Variants in ELP4 observed in about 807,000 individuals in gnomAD.
ELP4 encodes elongator complex protein 4.
Under a neutral mutation model 48.9 loss-of-function variants are expected in ELP4, and 51 were observed. That is an observed-to-expected ratio of 1.04 (90% CI 0.83 to 1.32). ELP4 has a LOEUF of 1.32. Among genes scored for constraint, ELP4 ranks in the 40% most tolerant of loss-of-function variants. The probability of loss-of-function intolerance (pLI) is 0.00; values close to 1 mark genes in which losing one functional copy is unlikely to be tolerated. For missense variants in ELP4, 519 were observed against 514.6 expected (o/e 1.01, Z -0.08); for synonymous variants, 210 against 189.2 (o/e 1.11, Z -0.90).
chr11:31,657,374 C>A (rs1244981417), intron 9 of ELP4, among the ~76,000 whole-genome samples: 1 of 151,988 alleles, frequency 6.6e-6, no homozygotes, highest in African/African-American at 2.4e-5. Context: ...TGTTCGAATT[C>A]TCAGTGTAAT....
chr11:31,692,264 A>T (rs1241356715), intron 9 of ELP4, among the ~76,000 whole-genome samples: 2 of 152,128 alleles, frequency 1.3e-5, no homozygotes, highest in Non-Finnish European at 2.9e-5. Context: ...GTTGGGGAGG[A>T]AAGTACAGAC....
intron 2 of ELP4, among the ~76,000 whole-genome samples, chr11:31,531,331 T>G (rs1028895141): frequency 7.9e-5 from 12 of 152,252 alleles, no homozygotes; most frequent in African/African-American, 2.9e-4. Context: ...ATGTATACTA[T>G]GTGCCGGGCA....
intron 9 of ELP4, among the ~76,000 whole-genome samples, chr11:31,742,177 G>T (rs575621213): frequency 5.9e-5 from 9 of 152,268 alleles, no homozygotes; most frequent in African/African-American, 1.9e-4. Flanking sequence ...GAAATGAAGC[G>T]AGAAGAAAAG....
At chr11:31,768,291 C>A (rs1254974945) in intron 9 of ELP4, among the ~76,000 whole-genome samples, 1 of 152,132 alleles carries the variant, frequency 6.6e-6, no homozygotes, top group East Asian at 1.9e-4. Flanking sequence ...ATTAATATCA[C>A]CTAGGTGTTA....
intron 2 of ELP4, among the ~76,000 whole-genome samples, chr11:31,539,396 T>G (rs1956556946): frequency 6.6e-6 from 1 of 152,068 alleles, no homozygotes; most frequent in Admixed American, 6.6e-5. Flanking sequence ...GAGCTTGCAG[T>G]GAGCCGAGAT....
chr11:31,725,568 T>C (rs1395862177), intron 9 of ELP4, among the ~76,000 whole-genome samples: 1 of 152,206 alleles, frequency 6.6e-6, no homozygotes, highest in Non-Finnish European at 1.5e-5. Flanking sequence ...GCCAATCTTT[T>C]CATCTTGCAA....
At chr11:31,740,219 T>G (rs1947414583) in intron 9 of ELP4, among the ~76,000 whole-genome samples, 2 of 152,196 alleles carry the variant, frequency 1.3e-5, no homozygotes, top group Non-Finnish European at 2.9e-5. Flanking sequence ...GGAAAAGGGT[T>G]TTTTTCTCCT....
At chr11:31,551,763 C>G (rs1350374506) in intron 3 of ELP4, among the ~76,000 whole-genome samples, 1 of 152,074 alleles carries the variant, frequency 6.6e-6, no homozygotes, top group Admixed American at 6.6e-5. Context: ...AATTCATGTT[C>G]AAGTACAATT....
intron 9 of ELP4, among the ~76,000 whole-genome samples, chr11:31,714,239 T>C (rs899041084): frequency 2.6e-5 from 4 of 152,172 alleles, no homozygotes; most frequent in Non-Finnish European, 4.4e-5. Flanking sequence ...AATACCTTCT[T>C]TTTGTCCAAA....
At chr11:31,536,464 G>A (rs1175811495) in intron 2 of ELP4, among the ~76,000 whole-genome samples, 1 of 152,112 alleles carries the variant, frequency 6.6e-6, no homozygotes, top group Non-Finnish European at 1.5e-5. Context: ...CAATTCTCCT[G>A]CCTCAGCCTC....
intron 3 of ELP4, among the ~76,000 whole-genome samples, chr11:31,550,923 C>T (rs1248142443): frequency 2.0e-5 from 3 of 152,200 alleles, no homozygotes; most frequent in South Asian, 2.1e-4. Context: ...GCTTTCACTT[C>T]ATCACTTCGA....
intron 3 of ELP4, among the ~76,000 whole-genome samples, chr11:31,577,223 C>T (rs776418422): frequency 5.9e-5 from 9 of 152,056 alleles, no homozygotes; most frequent in South Asian, 2.1e-4. Flanking sequence ...CACCCTCCCA[C>T]GACTAAACGA....
intron 3 of ELP4, among the ~76,000 whole-genome samples, chr11:31,592,438 A>G (rs1957596732): frequency 6.6e-6 from 1 of 151,592 alleles, no homozygotes; most frequent in Non-Finnish European, 1.5e-5. Context: ...TCTACTCAGG[A>G]GGCTGAGGTG....
At chr11:31,681,309 G>A (rs1398668505) in intron 9 of ELP4, among the ~76,000 whole-genome samples, 1 of 152,182 alleles carries the variant, frequency 6.6e-6, no homozygotes, top group Non-Finnish European at 1.5e-5. Flanking sequence ...AACAGGGTTT[G>A]ATTTGTTACG....
At chr11:31,673,866 C>G (rs1945861110) in intron 9 of ELP4, among the ~76,000 whole-genome samples, 1 of 152,012 alleles carries the variant, frequency 6.6e-6, no homozygotes, top group African/African-American at 2.4e-5. Flanking sequence ...TTTTTGATAT[C>G]TAATGAAATG....
chr11:31,722,683 CTCT>C (rs1946991666), intron 9 of ELP4, among the ~76,000 whole-genome samples: 1 of 134,028 alleles, frequency 7.5e-6, no homozygotes, highest in Non-Finnish European at 1.5e-5. Flanking sequence ...CTCTCTCTCT[CTCT>C]CTCTCTCTCT....
intron 2 of ELP4, among the ~76,000 whole-genome samples, chr11:31,532,526 T>A (rs1005187001): frequency 7.9e-5 from 12 of 152,188 alleles, no homozygotes; most frequent in Non-Finnish European, 1.5e-4. Flanking sequence ...TCAGTTTTTT[T>A]AATTATCTAC....
chr11:31,555,127 G>T (rs529746486), intron 3 of ELP4, among the ~76,000 whole-genome samples: 2 of 152,088 alleles, frequency 1.3e-5, no homozygotes, highest in African/African-American at 2.4e-5. Context: ...GGGGATATCC[G>T]TGGGGACGAG....
At chr11:31,568,187 T>C (rs1392216301) in intron 3 of ELP4, among the ~76,000 whole-genome samples, 1 of 152,186 alleles carries the variant, frequency 6.6e-6, no homozygotes, top group African/African-American at 2.4e-5. Flanking sequence ...AAATCAAGAA[T>C]GCAGTGTCAT....
Sources: gnomAD v4.1 joint callset for allele counts (sites outside exome capture counted in the v4.1 genomes callset) on GRCh38, gnomAD v4.1.1 for gene constraint, MANE v1.5 for transcripts, NCBI Gene and HGNC (gene_info 2026-07-23, HGNC 2026-07-21) for gene names.